OPA1: variants seen among roughly 807,000 people sequenced by gnomAD.
OPA1 encodes the protein OPA1 mitochondrial dynamin like GTPase.
A neutral mutation model predicts 152.9 loss-of-function variants in OPA1; 59 were observed. The ratio of observed to expected loss-of-function variants is 0.39; its 90% CI spans 0.31 to 0.48. The LOEUF (loss-of-function observed/expected upper bound fraction) is 0.48. Ranked by LOEUF, OPA1 falls within the 20% of genes least tolerant of loss-of-function variation. The pLI is 0.96. For missense variants in OPA1, 1,008 were observed against 1,216.8 expected (o/e 0.83, Z 2.55); for synonymous variants, 400 against 389.9 (o/e 1.03, Z -0.31).
intron 1 of OPA1, among the ~76,000 whole-genome samples, chr3:193,595,099 T>G (rs994354360): frequency 7.2e-5 from 11 of 152,200 alleles, no homozygotes; most frequent in Non-Finnish European, 1.2e-4. Flanking sequence ...CTTAAAAATG[T>G]CTCCTGGTGA....
At chr3:193,618,135 T>A (rs1487707712) in intron 5 of OPA1, among the ~76,000 whole-genome samples, 1 of 152,308 alleles carries the variant, frequency 6.6e-6, no homozygotes, top group East Asian at 1.9e-4. Flanking sequence ...ATAATTGAAA[T>A]GAAAAGTAAT....
chr3:193,618,631 T>C (rs563180004), intron 5 of OPA1: 4 of 494,016 alleles, frequency 8.1e-6, no homozygotes, highest in East Asian at 7.0e-5. Context: ...TTTTCAGTTA[T>C]ATATTTTTAA....
rs763378799 is a variant in OPA1, at chr3:193,614,946, A to G, written c.256A>G (p.Arg86Gly). ...AATTAAATATGGCTACCAGCCTCGC[A>G]GGAATTTTTGGCCAGCAAGATTAGC... is the stretch of plus-strand genomic sequence containing the variant. ...SPIKYGYQPRRNFWPARLATR... is the reference protein window; with the variant it reads ...SPIKYGYQPRGNFWPARLATR... The change falls in exon 2 of 31, where the codon AGG becomes GGG. Residue 86 changes from arginine (R) to glycine (G), a missense_variant. By Grantham distance (125) the Arg-to-Gly change is moderately radical. Transcript: ENST00000361510. 1 of 1,614,092 alleles carries G rather than the reference A, an allele frequency of 6.2e-7. No homozygotes were observed. The highest frequency in any genetic ancestry group is 1.1e-5 in the South Asian group (1 of 91,080).
At chr3:193,628,083 G>A (rs955234781) in intron 7 of OPA1, among the ~76,000 whole-genome samples, 1 of 151,786 alleles carries the variant, frequency 6.6e-6, no homozygotes, top group Admixed American at 6.6e-5. Context: ...ATGACTTTTC[G>A]GTTCTTCACT....
intron 11 of OPA1, among the ~76,000 whole-genome samples, chr3:193,641,403 C>G (rs100772): frequency 0.14 from 21,294 of 152,080 alleles, 1,812 homozygotes; most frequent in East Asian, 0.33. Flanking sequence ...CTTCTTTCTG[C>G]TTGGTTTCCT....
At chr3:193,614,615 T>G in intron 1 of OPA1, 108 bp from the exon 2 acceptor site, 1 of 808,364 alleles carries the variant, frequency 1.2e-6, no homozygotes, top group Non-Finnish European at 2.2e-6. Context: ...GACATTGTGG[T>G]TAGTCACGTA....
In OPA1 at chr3:193,642,823, T is replaced by C. The variant is rs1577240370; in HGVS notation, c.1208T>C (p.Phe403Ser). 2 of 1,613,580 alleles carry C rather than the reference T, an allele frequency of 1.2e-6. No homozygotes were observed. Among genetic ancestry groups the C allele is most frequent in the South Asian group, 1.1e-5 (1 of 91,060 alleles). ...CTATTTAAAGATAGTTCTCGGGAGT[T>C]TGATCTTACCAAAGAAGAAGATGTA... Reference protein sequence around the residue: ...VALFKDSSREFDLTKEEDLAA... With the variant: ...VALFKDSSRESDLTKEEDLAA... The change falls in exon 12 of 31, where the codon TTT becomes TCT. Residue 403 changes from phenylalanine (F) to serine (S), a missense_variant. Physicochemically the swap from Phe to Ser is radical, Grantham distance 155 (BLOSUM62 -2). This residue lies in a region of OPA1 where 213 missense variants were observed against 291.4 expected (regional missense o/e 0.73). Transcript: ENST00000361510.
intron 29 of OPA1, among the ~76,000 whole-genome samples, chr3:193,673,408 C>T (rs1483562224): frequency 2.0e-5 from 3 of 152,140 alleles, no homozygotes; most frequent in Non-Finnish European, 2.9e-5. Flanking sequence ...AGTAAATGAA[C>T]AGTACAGTGT....
chr3:193,631,719 T>C lies in OPA1; in HGVS notation c.843+54T>C, dbSNP rs542840335. The C allele has an allele frequency of 4.8e-5, 68 of 1,428,264 alleles. No homozygotes were observed. In the South Asian group the frequency reaches 7.7e-4, roughly 16 times the overall value. The allele number at this position is 1,428,264 out of a possible 1,614,324, so 88.5% of individuals were successfully genotyped here. A position where few individuals can be genotyped will look rare whatever the true frequency, so the allele number is the denominator to read the frequency against. ...GACTTTTAAAAATTATATTCGAATG[T>C]AACTTTGGTGATATGGACATTTATT... is the stretch of plus-strand genomic sequence containing the variant. On this transcript the variant is annotated intron_variant, in intron 8 of 30. Transcript: ENST00000361510.
chr3:193,602,797 A>G (rs1400218665), intron 1 of OPA1, among the ~76,000 whole-genome samples: 1 of 152,174 alleles, frequency 6.6e-6, no homozygotes, highest in Non-Finnish European at 1.5e-5. Flanking sequence ...GCTCAGTAAA[A>G]TGAGTTCCTC....
chr3:193,656,646 A>G (rs999945853), intron 22 of OPA1, among the ~76,000 whole-genome samples: 10 of 152,224 alleles, frequency 6.6e-5, no homozygotes, highest in African/African-American at 2.4e-4. Flanking sequence ...GGTTGAAATA[A>G]ATAAATGAAC....
At position 193,616,192 on chromosome 3, in the gene OPA1, T is replaced by C. The variant is rs77508691; in HGVS notation, c.448+422T>C. 3.3e-3 allele frequency among the ~76,000 whole-genome samples: 504 copies of C among 152,246 alleles called. 3 individuals are homozygous for C. Among genetic ancestry groups the C allele is most frequent in the South Asian group, 0.017 (82 of 4,818 alleles). Reference sequence around the variant, plus strand: ...ATGCCCGACTGATTTTTTAATTTCTTGTAGAGATGAAGTCTCACTATGTTG... The same window carrying C: ...ATGCCCGACTGATTTTTTAATTTCTCGTAGAGATGAAGTCTCACTATGTTG... On this transcript the variant is annotated intron_variant, in intron 3 of 30. Transcript: ENST00000361510.
At chr3:193,679,276 A>G (rs1719738890) in intron 29 of OPA1, among the ~76,000 whole-genome samples, 1 of 152,114 alleles carries the variant, frequency 6.6e-6, no homozygotes, top group African/African-American at 2.4e-5. Context: ...AACGGGGAAA[A>G]AAAAGGTTTC....
At chr3:193,659,147 A>G (rs906148047) in intron 24 of OPA1, 152 bp downstream of exon 24, 177 of 696,066 alleles carry the variant, frequency 2.5e-4, no homozygotes, top group Non-Finnish European at 5.1e-5. Context: ...TTTTTAGTCA[A>G]CTGCTTTGTA....
chr3:193,624,660 A>G (rs1020102125), intron 6 of OPA1, among the ~76,000 whole-genome samples: 1 of 152,114 alleles, frequency 6.6e-6, no homozygotes, highest in Non-Finnish European at 1.5e-5. Context: ...ACTATTTTAT[A>G]CTGTTGTATC....
chr3:193,658,991 G>A lies in OPA1; in HGVS notation c.2436G>A (p.Lys812=), dbSNP rs765782153. 1.1e-4 allele frequency: 177 copies of A among 1,606,238 alleles called. No individual in the cohort carries two copies. Among genetic ancestry groups the A allele is most frequent in the Non-Finnish European group, 1.4e-4 (166 of 1,172,984 alleles). ...FMEEALQARL[K]DTENAIENMV... ...AAGAGGCTCTGCAGGCTCGTCTCAA[G>A]GATAGTAAGTGGAGACACGGCTTAT... The change falls in exon 24 of 31, where the codon AAG becomes AAA. Residue 812 remains lysine, a synonymous_variant. Coordinates refer to ENST00000361510, the MANE Select transcript of OPA1 (RefSeq NM_130837.3).
At chr3:193,632,210 G>A (rs997582065) in intron 8 of OPA1, among the ~76,000 whole-genome samples, 4 of 152,210 alleles carry the variant, frequency 2.6e-5, no homozygotes, top group Admixed American at 1.3e-4. Flanking sequence ...AGCCAGGCAC[G>A]GTGGCTCACG....
At chr3:193,615,575 T>G in intron 2 of OPA1, 99 bp from the exon 3 acceptor site, 1 of 793,706 alleles carries the variant, frequency 1.3e-6, no homozygotes, top group Non-Finnish European at 2.3e-6. Context: ...ACATAATACA[T>G]TATTCTTAGT....
chr3:193,607,435 T>A lies in OPA1; in HGVS notation c.33-7288T>A, dbSNP rs149598120. Among the ~76,000 whole-genome samples, 174 of 152,326 alleles carry A rather than the reference T, an allele frequency of 1.1e-3. 6 individuals are homozygous for A. In the East Asian group the frequency reaches 0.024, roughly 21 times the overall value. On this transcript the variant is annotated intron_variant, in intron 1 of 30. Coordinates refer to ENST00000361510, the MANE Select transcript of OPA1 (RefSeq NM_130837.3). ...AGTCTTTAATCTATCTTGAATTAAT[T>A]TTTGTATAAGGTGTAAGGAAGGGAT...
Sources: allele counts gnomAD v4.1 joint callset (sites outside exome capture counted in the v4.1 genomes callset), GRCh38; gene constraint gnomAD v4.1.1; regional missense constraint gnomAD v4.1.1; transcripts MANE v1.5; gene names NCBI Gene and HGNC (gene_info 2026-07-23, HGNC 2026-07-21).